Variants in CLBA1 observed in about 807,000 individuals in gnomAD.
The protein encoded by CLBA1 is uncharacterized protein CLBA1.
Under a neutral mutation model 28.8 loss-of-function variants are expected in CLBA1, and 30 were observed. That is an observed-to-expected ratio of 1.04 (90% CI 0.78 to 1.41). The LOEUF (loss-of-function observed/expected upper bound fraction) is 1.41. Ranked by LOEUF, CLBA1 falls within the 40% of genes most tolerant of loss-of-function variation. The pLI, the probability that CLBA1 is intolerant of heterozygous loss-of-function variation, is 0.00. For missense variants in CLBA1, 451 were observed against 412.3 expected (o/e 1.09, Z -0.81); for synonymous variants, 160 against 152.8 (o/e 1.05, Z -0.35).
intron 1 of CLBA1, among the ~76,000 whole-genome samples, chr14:104,988,618 C>T (rs12892530): frequency 0.041 from 6,280 of 152,284 alleles, 166 homozygotes; most frequent in Middle Eastern, 0.11. Context: ...GGATTACAGG[C>T]GTGAGCCACC....
chr14:104,987,292 G>A (rs979695113), intron 1 of CLBA1, among the ~76,000 whole-genome samples: 1 of 152,246 alleles, frequency 6.6e-6, no homozygotes. Context: ...ATTGGGTGAC[G>A]CGGGATCCAA....
downstream of CLBA1, among the ~76,000 whole-genome samples, chr14:104,998,674 C>A (rs1416801357): frequency 1.3e-5 from 2 of 152,224 alleles, no homozygotes; most frequent in Non-Finnish European, 2.9e-5. Context: ...GGAATTAAGG[C>A]CTGGCCAAGG....
At chr14:104,998,931 G>A (rs1375055355), downstream of CLBA1, among the ~76,000 whole-genome samples, 1 of 152,244 alleles carries the variant, frequency 6.6e-6, no homozygotes, top group Non-Finnish European at 1.5e-5. Flanking sequence ...AGACCCAAGA[G>A]GGAAGCCCCT....
At chr14:104,999,860 C>T (rs1900233172), downstream of CLBA1, among the ~76,000 whole-genome samples, 2 of 152,146 alleles carry the variant, frequency 1.3e-5, no homozygotes, top group South Asian at 4.1e-4. Context: ...TACAAAACCA[C>T]CTAAGATTTC....
At chr14:104,991,764 G>A (rs1184873775) in intron 3 of CLBA1, 144 bp downstream of exon 3, 13 of 979,144 alleles carry the variant, frequency 1.3e-5, no homozygotes, top group East Asian at 1.3e-4. Context: ...CCCCATAAAC[G>A]TGTCAGGGCC....
intron 2 of CLBA1, among the ~76,000 whole-genome samples, chr14:105,001,215 G>A (rs1007339256): frequency 4.6e-5 from 7 of 152,106 alleles, no homozygotes; most frequent in Non-Finnish European, 8.8e-5. Flanking sequence ...AGTCAAACTC[G>A]CCAGGTGTGG....
Position 104,986,743 on chromosome 14 carries a change from C to G in CLBA1, c.312C>G (p.Pro104=). The change falls in exon 1 of 5, where the codon CCC becomes CCG. Residue 104 remains proline, a synonymous_variant. Transcript: ENST00000547315. The part of the protein sequence containing the change: ...FSQSLELLEG[P]TEPQPPRTTS... ...AGTCCCTTGAACTCCTCGAGGGACC[C>G]ACAGAACCCCAGCCACCGAGAACCA... 1 of 1,612,410 alleles carries G rather than the reference C, an allele frequency of 6.2e-7. No homozygotes were observed. Among genetic ancestry groups the G allele is most frequent in the Non-Finnish European group, 8.5e-7 (1 of 1,179,508 alleles).
At chr14:104,987,771 C>G (rs1595441599) in intron 1 of CLBA1, among the ~76,000 whole-genome samples, 2 of 148,220 alleles carry the variant, frequency 1.3e-5, no homozygotes, top group South Asian at 4.3e-4. Context: ...GCATCCACCA[C>G]CACGCCCGGC....
At chr14:104,992,176 G>A (rs968359337) in intron 3 of CLBA1, among the ~76,000 whole-genome samples, 2 of 128,574 alleles carry the variant, frequency 1.6e-5, no homozygotes, top group South Asian at 2.5e-4. Context: ...ATGCCACCAT[G>A]CACACACTGC....
intron 4 of CLBA1, chr14:104,993,409 T>G: frequency 1.0e-6 from 1 of 985,414 alleles, no homozygotes; most frequent in Non-Finnish European, 1.2e-6. Context: ...GACCAGGCTG[T>G]GACTGTTGGG....
intron 4 of CLBA1, chr14:104,994,169 T>C: frequency 1.0e-6 from 1 of 985,360 alleles, no homozygotes; most frequent in Non-Finnish European, 1.2e-6. Context: ...TGTAAAGAAA[T>C]GTTCGTGGCT....
chr14:104,986,154 T>G lies in CLBA1; in HGVS notation c.-278T>G. 1 of 505,732 alleles carries G rather than the reference T, an allele frequency of 2.0e-6. No individual in the cohort carries two copies. Among genetic ancestry groups the G allele is most frequent in the Non-Finnish European group, 3.6e-6 (1 of 277,176 alleles). 31.3% of individuals were successfully genotyped at this position (505,732 alleles called of 1,614,324 possible). ...CCGCCCCTCTCACACCTGCCGTGGG[T>G]CTGGTACGCGCCTCTGTGTCGGACT... On this transcript the variant is annotated 5_prime_UTR_variant, in exon 1 of 5. Transcript: ENST00000547315.
At chr14:104,989,666 AGCG>A in intron 2 of CLBA1, 2 of 456,028 alleles carry the variant, frequency 4.4e-6, no homozygotes, top group Non-Finnish European at 8.8e-6. Context: ...AAAGACAGAC[AGCG>A]CTCGAGTGGA....
intron 4 of CLBA1, chr14:104,993,783 A>G: frequency 1.0e-6 from 1 of 985,418 alleles, no homozygotes; most frequent in Non-Finnish European, 1.2e-6. Context: ...GTCGGGGCTC[A>G]TTGTGTACAC....
chr14:104,997,403 T>A (rs1900174264), downstream of CLBA1, among the ~76,000 whole-genome samples: 1 of 151,652 alleles, frequency 6.6e-6, no homozygotes, highest in African/African-American at 2.4e-5. Context: ...GTAACTGGAG[T>A]CCCAGAGCAG....
intron 2 of CLBA1, chr14:104,989,578 C>T: frequency 4.4e-6 from 2 of 455,862 alleles, no homozygotes; most frequent in South Asian, 3.1e-5. Context: ...TGCAGGGCCA[C>T]AGGCTCCTAG....
At chr14:104,993,566 C>T (rs1395950938) in intron 4 of CLBA1, 3 of 985,348 alleles carry the variant, frequency 3.0e-6, no homozygotes, top group Non-Finnish European at 2.4e-6. Flanking sequence ...TTCATCACAT[C>T]ATCACAGCCG....
chr14:104,994,956 C>T lies in CLBA1; in HGVS notation c.*197C>T. ...GATGGAGGATGTGTCCTTGGCAGAG[C>T]CAAGGGGAGACAGAGGTTTCTGGAT... On this transcript the variant is annotated 3_prime_UTR_variant, in exon 5 of 5. Transcript: ENST00000547315. 7.9e-7 allele frequency: 1 copy of T among 1,265,070 alleles called. No homozygotes were observed. Among genetic ancestry groups the T allele is most frequent in the South Asian group, 2.5e-5 (1 of 40,260 alleles). 78.4% of individuals were successfully genotyped at this position (1,265,070 alleles called of 1,614,324 possible). A position where few individuals can be genotyped will look rare whatever the true frequency, so the allele number is the denominator to read the frequency against.
chr14:104,995,025 C>A lies in CLBA1; in HGVS notation c.*266C>A. On this transcript the variant is annotated 3_prime_UTR_variant, in exon 5 of 5. Transcript: ENST00000547315. Reference sequence around the variant, plus strand: ...GGTCCAGGTGGCACTCATGGGCCCCCTGCCCCATGTGAATGCTGCTGGCAC... The same window carrying A: ...GGTCCAGGTGGCACTCATGGGCCCCATGCCCCATGTGAATGCTGCTGGCAC... 9.0e-7 allele frequency: 1 copy of A among 1,110,162 alleles called. No individual in the cohort carries two copies. Among genetic ancestry groups the A allele is most frequent in the Non-Finnish European group, 1.1e-6 (1 of 909,402 alleles). 68.8% of individuals were successfully genotyped at this position (1,110,162 alleles called of 1,614,324 possible). A position where few individuals can be genotyped will look rare whatever the true frequency, so the allele number is the denominator to read the frequency against.
Sources: allele counts gnomAD v4.1 joint callset (sites outside exome capture counted in the v4.1 genomes callset), GRCh38; gene constraint gnomAD v4.1.1; transcripts MANE v1.5; gene names NCBI Gene and HGNC (gene_info 2026-07-23, HGNC 2026-07-21).